The following GRIN2B variants were observed in gnomAD, a reference collection of about 807,000 sequenced individuals.
GRIN2B encodes the protein glutamate receptor ionotropic, NMDA 2B.
In GRIN2B, 5 loss-of-function variants were observed where a neutral mutation model predicts 114.5. That is an observed-to-expected ratio of 0.04 (90% CI 0.02 to 0.09). The LOEUF is 0.09. Ranked by LOEUF, GRIN2B falls within the 10% of genes least tolerant of loss-of-function variation. The pLI, the probability that GRIN2B is intolerant of heterozygous loss-of-function variation, is 1.00. For synonymous variants in GRIN2B, 787 were observed against 745.1 expected, an observed-to-expected ratio of 1.06 and a Z score of -0.92; for missense variants, 1,108 against 1,943.5, an observed-to-expected ratio of 0.57 and a Z score of 8.08.
intron 2 of GRIN2B, among the ~76,000 whole-genome samples, chr12:13,883,891 C>G (rs571729500): frequency 1.0e-3 from 156 of 152,114 alleles, no homozygotes; most frequent in African/African-American, 3.7e-3. Context: ...TCCTGTTTTC[C>G]TCTAAAAGAT....
intron 2 of GRIN2B, among the ~76,000 whole-genome samples, chr12:13,930,690 G>C (rs1867010848): frequency 6.6e-6 from 1 of 152,188 alleles, no homozygotes; most frequent in Admixed American, 6.5e-5. Context: ...TAAAGGCAGA[G>C]GGAGCTGCTT....
chr12:13,753,392 C>T lies in GRIN2B; in HGVS notation c.935G>A (p.Ser312Asn), dbSNP rs1085307687. ...ACTGCTTTTGGGCTCAGGGATGAAG[C>T]TGTGCTCAGACAGCATGTCAGAAGC... ...TAASDMLSEHSFIPEPKSSCY... is the reference protein window; with the variant it reads ...TAASDMLSEHNFIPEPKSSCY... Residue 312 changes from serine to asparagine, a missense_variant, in exon 4 of 14, where the codon AGC becomes AAC. Physicochemically the swap from Ser to Asn is conservative, Grantham distance 46. Transcript: ENST00000609686. The surrounding 1 kb of genome is among the most constrained non-coding windows in gnomAD (Gnocchi z 6.2). 4 of 1,614,004 alleles carry T rather than the reference C, an allele frequency of 2.5e-6. No individual in the cohort carries two copies. Among genetic ancestry groups the T allele is most frequent in the Non-Finnish European group, 3.4e-6 (4 of 1,179,944 alleles).
At chr12:13,887,860 G>T (rs1866192169) in intron 2 of GRIN2B, among the ~76,000 whole-genome samples, 1 of 152,170 alleles carries the variant, frequency 6.6e-6, no homozygotes, top group African/African-American at 2.4e-5. Flanking sequence ...CATAGTGCTT[G>T]CCCTCTAAAA....
At chr12:13,838,805 G>A (rs1231404984) in intron 3 of GRIN2B, among the ~76,000 whole-genome samples, 1 of 152,202 alleles carries the variant, frequency 6.6e-6, no homozygotes, top group Non-Finnish European at 1.5e-5. Context: ...GTATTTCAGG[G>A]TGGTGTGTAG....
intron 3 of GRIN2B, among the ~76,000 whole-genome samples, chr12:13,799,434 AAGGCTGAGACACAGTCACCCATG>A (rs1416344480): frequency 2.0e-5 from 3 of 152,084 alleles, no homozygotes; most frequent in Non-Finnish European, 2.9e-5. Flanking sequence ...AAATCCACTT[AAGGCTGAGACACAGTCACCCATG>A]AGGCTGAGAC....
At chr12:13,847,175 C>A (rs546266020) in intron 3 of GRIN2B, among the ~76,000 whole-genome samples, 1 of 152,230 alleles carries the variant, frequency 6.6e-6, no homozygotes, top group African/African-American at 2.4e-5. Context: ...AAATGTGAAT[C>A]TATGATGATC....
chr12:13,599,937 G>C (rs1254016578), intron 10 of GRIN2B, among the ~76,000 whole-genome samples: 1 of 152,180 alleles, frequency 6.6e-6, no homozygotes, highest in Non-Finnish European at 1.5e-5. Context: ...AAATCTGAAA[G>C]GACAACATCC....
At chr12:13,715,604 A>T (rs540575169) in intron 4 of GRIN2B, among the ~76,000 whole-genome samples, 1 of 152,030 alleles carries the variant, frequency 6.6e-6, no homozygotes, top group East Asian at 1.9e-4. Context: ...ATTGAACTAT[A>T]TCTCTCTACT....
At chr12:13,953,188 G>T (rs1453823454) in intron 2 of GRIN2B, among the ~76,000 whole-genome samples, 1 of 152,084 alleles carries the variant, frequency 6.6e-6, no homozygotes, top group Non-Finnish European at 1.5e-5. Flanking sequence ...TGGCAGCAGG[G>T]ATGTCCAAAG....
In GRIN2B at chr12:13,783,396, C is replaced by CA. The variant is rs529593290; in HGVS notation, c.412-29482dup. On this transcript the variant is annotated intron_variant, in intron 3 of 13. Coordinates refer to ENST00000609686, the MANE Select transcript of GRIN2B (RefSeq NM_000834.5). ...TGAGTTACAGACATTCTTTGATCTC[C>CA]AAAATATAGGACAAGAGAATTGGTA... Among the ~76,000 whole-genome samples, 666 of 114,582 alleles carry CA rather than the reference C, an allele frequency of 5.8e-3. 5 individuals carry two copies. The highest frequency in any genetic ancestry group is 0.019 in the African/African-American group (643 of 34,178). The allele number at this position is 114,582 out of a possible 152,430, so 75.2% of individuals were successfully genotyped here.
At chr12:13,737,812 T>A (rs948626849) in intron 4 of GRIN2B, among the ~76,000 whole-genome samples, 1 of 152,244 alleles carries the variant, frequency 6.6e-6, no homozygotes, top group Non-Finnish European at 1.5e-5. Context: ...ACAATAGTAA[T>A]AAGCATTTCT....
At chr12:13,972,141 C>T (rs150708530) in intron 2 of GRIN2B, among the ~76,000 whole-genome samples, 1 of 152,170 alleles carries the variant, frequency 6.6e-6, no homozygotes, top group Non-Finnish European at 1.5e-5. Context: ...ATGACCATCG[C>T]CTGAATCCCT....
intron 4 of GRIN2B, among the ~76,000 whole-genome samples, chr12:13,730,350 A>G (rs190331811): frequency 6.6e-6 from 1 of 152,328 alleles, no homozygotes; most frequent in East Asian, 1.9e-4. Context: ...CCAATAAAAC[A>G]AGCAAAATTA....
intron 5 of GRIN2B, among the ~76,000 whole-genome samples, chr12:13,640,794 A>T (rs1949707786): frequency 1.3e-5 from 2 of 152,124 alleles, no homozygotes; most frequent in African/African-American, 4.8e-5. Context: ...TGTGATTGAG[A>T]TGGAGCCTAG....
intron 4 of GRIN2B, among the ~76,000 whole-genome samples, chr12:13,689,327 T>C (rs1449950419): frequency 6.6e-6 from 1 of 152,200 alleles, no homozygotes; most frequent in Non-Finnish European, 1.5e-5. Flanking sequence ...TTAAAACTTA[T>C]GAAGCACTTG....
At chr12:13,805,254 A>G (rs533309143) in intron 3 of GRIN2B, among the ~76,000 whole-genome samples, 1 of 152,322 alleles carries the variant, frequency 6.6e-6, no homozygotes, top group Admixed American at 6.5e-5. Flanking sequence ...CAAAGTTAAT[A>G]ATAAAACCTA....
At chr12:13,748,376 A>T (rs1370272205) in intron 4 of GRIN2B, among the ~76,000 whole-genome samples, 30 of 152,216 alleles carry the variant, frequency 2.0e-4, no homozygotes, top group Admixed American at 2.0e-3. Flanking sequence ...ACAGAAACAG[A>T]CCATCAGAGA....
At chr12:13,646,445 C>T (rs557773414) in intron 5 of GRIN2B, among the ~76,000 whole-genome samples, 2 of 152,228 alleles carry the variant, frequency 1.3e-5, no homozygotes, top group South Asian at 2.1e-4. Flanking sequence ...TGGATACACC[C>T]AAAGGGGACC....
intron 5 of GRIN2B, among the ~76,000 whole-genome samples, chr12:13,646,248 A>C (rs547380138): frequency 6.6e-6 from 1 of 152,280 alleles, no homozygotes; most frequent in African/African-American, 2.4e-5. Context: ...CTCCTTGCTA[A>C]GCTTTTCTTT....
Sources: gnomAD v4.1 joint callset for allele counts (sites outside exome capture counted in the v4.1 genomes callset) on GRCh38, gnomAD v4.1.1 for gene constraint, Gnocchi (gnomAD v3.1) non-coding constraint, MANE v1.5 for transcripts, NCBI Gene and HGNC (gene_info 2026-07-23, HGNC 2026-07-21) for gene names.